The following LRRC31 variants were observed in gnomAD, a reference collection of about 807,000 sequenced individuals.
The protein encoded by LRRC31 is leucine rich repeat containing 31.
Under a neutral mutation model 46.7 loss-of-function variants are expected in LRRC31, and 35 were observed. The observed-to-expected ratio is 0.75, with a 90% CI of 0.57 to 0.99. LRRC31 has a LOEUF of 0.99. Among genes scored for constraint, LRRC31 ranks in the 50% least tolerant of loss-of-function variants. The probability of loss-of-function intolerance (pLI) is 0.00; values close to 1 mark genes in which losing one functional copy is unlikely to be tolerated. For missense variants in LRRC31, 613 were observed against 626.1 expected (o/e 0.98, Z 0.22); for synonymous variants, 236 against 235.1 (o/e 1.00, Z -0.03).
At chr3:169,853,157 G>A in intron 6 of LRRC31, 3 of 938,310 alleles carry the variant, frequency 3.2e-6, no homozygotes, top group Non-Finnish European at 2.5e-6. Flanking sequence ...GAAGCTCCCT[G>A]AGAGTTGGGA....
chr3:169,865,033 C>A (rs956449503), intron 1 of LRRC31, among the ~76,000 whole-genome samples: 1 of 151,788 alleles, frequency 6.6e-6, no homozygotes, highest in South Asian at 2.1e-4. Context: ...CCGAGATTGT[C>A]CCACTGCACT....
chr3:169,849,811 A>C (rs1393382211), intron 7 of LRRC31, among the ~76,000 whole-genome samples: 1 of 152,232 alleles, frequency 6.6e-6, no homozygotes, highest in Non-Finnish European at 1.5e-5. Context: ...TTCAGCATAA[A>C]CCATGTTGTC....
chr3:169,857,345 T>TATATACAC (rs1491209579), intron 3 of LRRC31, among the ~76,000 whole-genome samples: 5 of 89,422 alleles, frequency 5.6e-5, no homozygotes, highest in African/African-American at 2.4e-4. Flanking sequence ...TATATATATA[T>TATATACAC]ACACACACAC....
At chr3:169,848,599 T>C (rs1408592613) in intron 7 of LRRC31, among the ~76,000 whole-genome samples, 1 of 152,128 alleles carries the variant, frequency 6.6e-6, no homozygotes, top group Admixed American at 6.6e-5. Flanking sequence ...TGGGGCTACA[T>C]GTGCGTGCCA....
intron 3 of LRRC31, among the ~76,000 whole-genome samples, chr3:169,859,047 T>A (rs1313427689): frequency 7.0e-6 from 1 of 141,896 alleles, no homozygotes; most frequent in African/African-American, 2.7e-5. Context: ...GCACTAGGAT[T>A]TGAAGTAGGA....
chr3:169,861,865 G>A, intron 1 of LRRC31, 52 bp from the exon 2 acceptor site: 1 of 1,547,472 alleles, frequency 6.5e-7, no homozygotes, highest in Non-Finnish European at 8.9e-7. Context: ...ATGTATTAAA[G>A]ATGCATAATG....
intron 8 of LRRC31, among the ~76,000 whole-genome samples, chr3:169,846,720 C>T (rs1453483925): frequency 6.6e-6 from 1 of 152,128 alleles, no homozygotes; most frequent in Non-Finnish European, 1.5e-5. Flanking sequence ...TCCACACACC[C>T]TCTTTCCACC....
At chr3:169,844,327 T>C (rs1780539080) in intron 8 of LRRC31, among the ~76,000 whole-genome samples, 1 of 152,196 alleles carries the variant, frequency 6.6e-6, no homozygotes, top group Admixed American at 6.5e-5. Flanking sequence ...TTCATTATTA[T>C]TATGAATATT....
chr3:169,839,917 G>A lies in LRRC31; in HGVS notation c.*65C>T. ...AGTTGAAATTCAGTTCATGACTCTGGAATTCGTTCATGTTCTTTTCCTTTG... is the reference window on the plus strand; with the variant it reads ...AGTTGAAATTCAGTTCATGACTCTGAAATTCGTTCATGTTCTTTTCCTTTG... On this transcript the variant is annotated 3_prime_UTR_variant, in exon 9 of 9. Coordinates refer to ENST00000316428, the MANE Select transcript of LRRC31 (RefSeq NM_024727.4). 7.6e-7 allele frequency: 1 copy of A among 1,318,274 alleles called. No homozygotes were observed. The highest frequency in any genetic ancestry group is 1.1e-6 in the Non-Finnish European group (1 of 952,314). 81.7% of individuals were successfully genotyped at this position (1,318,274 alleles called of 1,614,324 possible).
At chr3:169,851,564 A>T in intron 7 of LRRC31, 55 bp downstream of exon 7, 1 of 1,506,718 alleles carries the variant, frequency 6.6e-7, no homozygotes, top group Non-Finnish European at 9.0e-7. Context: ...GGGAAAAAGA[A>T]GTCTCCCTCG....
chr3:169,857,341 TATATACACAC>T (rs1330792907), intron 3 of LRRC31, among the ~76,000 whole-genome samples: 3 of 110,114 alleles, frequency 2.7e-5, no homozygotes, highest in African/African-American at 1.0e-4. Context: ...TATATATATA[TATATACACAC>T]ACACACACAC....
At chr3:169,865,249 C>CAAA (rs11310742) in intron 1 of LRRC31, among the ~76,000 whole-genome samples, 5 of 133,784 alleles carry the variant, frequency 3.7e-5, no homozygotes, top group Non-Finnish European at 6.6e-5. Context: ...GGCTCTATCT[C>CAAA]AAAAAAAAAA....
chr3:169,863,469 C>G (rs1781235203), intron 1 of LRRC31, among the ~76,000 whole-genome samples: 1 of 152,118 alleles, frequency 6.6e-6, no homozygotes, highest in African/African-American at 2.4e-5. Context: ...TAAATTTAGA[C>G]CAAATGATTA....
At chr3:169,849,375 T>C (rs1332765992) in intron 7 of LRRC31, among the ~76,000 whole-genome samples, 1 of 152,248 alleles carries the variant, frequency 6.6e-6, no homozygotes, top group African/African-American at 2.4e-5. Context: ...TTTAGTGTGA[T>C]ACCTAGTTGA....
In LRRC31 at chr3:169,857,415, C is replaced by CATATATATATATATATATAT. The variant is rs1553924970; in HGVS notation, c.488-544_488-543insATATATATATATATATATAT. ...ATACATACACACACATATACATATACATATATATATATATGAGGAATATCA... is the reference window on the plus strand; with the variant it reads ...ATACATACACACACATATACATATACATATATATATATATATATATATATATATATATATGAGGAATATCA... On this transcript the variant is annotated intron_variant, in intron 3 of 8. Transcript: ENST00000316428. Among the ~76,000 whole-genome samples, 228 of 98,666 alleles carry CATATATATATATATATATAT rather than the reference C, an allele frequency of 2.3e-3. 9 individuals carry two copies. Among genetic ancestry groups the CATATATATATATATATATAT allele is most frequent in the African/African-American group, 8.0e-3 (221 of 27,610 alleles). The allele number at this position is 98,666 out of a possible 152,430, so 64.7% of individuals were successfully genotyped here.
intron 1 of LRRC31, among the ~76,000 whole-genome samples, chr3:169,868,569 A>G (rs969759429): frequency 6.6e-6 from 1 of 152,214 alleles, no homozygotes; most frequent in African/African-American, 2.4e-5. Flanking sequence ...AGCACTCAAT[A>G]AAGATTTATT....
At chr3:169,854,758 C>T (rs1329653728) in intron 6 of LRRC31, 55 bp downstream of exon 6, 3 of 1,421,500 alleles carry the variant, frequency 2.1e-6, no homozygotes, top group Non-Finnish European at 2.9e-6. Flanking sequence ...TCCAAGTTTC[C>T]AAATATAGGC....
chr3:169,856,603 C>T (rs1239324762), intron 4 of LRRC31, 100 bp from the exon 5 acceptor site: 1 of 1,387,190 alleles, frequency 7.2e-7, no homozygotes, highest in African/African-American at 1.5e-5. Flanking sequence ...TCCCCTCCTA[C>T]ATACCCTTCT....
intron 2 of LRRC31, among the ~76,000 whole-genome samples, chr3:169,861,385 G>GA (rs796207625): frequency 7.3e-6 from 1 of 136,850 alleles, no homozygotes; most frequent in South Asian, 2.3e-4. Context: ...AAAAAAAAAA[G>GA]AAAAAAGAAA....
Sources: gnomAD v4.1 joint callset for allele counts (sites outside exome capture counted in the v4.1 genomes callset) on GRCh38, gnomAD v4.1.1 for gene constraint, MANE v1.5 for transcripts, NCBI Gene and HGNC (gene_info 2026-07-23, HGNC 2026-07-21) for gene names.